Variants in TENM3 observed in about 807,000 individuals in gnomAD.
TENM3 encodes the protein teneurin transmembrane protein 3.
A neutral mutation model predicts 255.1 loss-of-function variants in TENM3; 63 were observed. The ratio of observed to expected loss-of-function variants is 0.25; its 90% CI spans 0.20 to 0.30. The LOEUF is 0.30. Ranked by LOEUF, TENM3 falls within the 10% of genes least tolerant of loss-of-function variation. The pLI, the probability that TENM3 is intolerant of heterozygous loss-of-function variation, is 1.00. For missense variants in TENM3, 2,929 were observed against 3,461.1 expected, an observed-to-expected ratio of 0.85 and a Z score of 3.86; for synonymous variants, 1,306 against 1,322.3, an observed-to-expected ratio of 0.99 and a Z score of 0.27.
At chr4:181,939,129 ATACT>A in the TENM3 span, among the ~76,000 whole-genome samples, 3 of 152,224 alleles carry the variant, frequency 2.0e-5, no homozygotes, top group Admixed American at 6.5e-5. Flanking sequence ...GCACTTTTTC[ATACT>A]TAAAGTATAA....
the TENM3 span, among the ~76,000 whole-genome samples, chr4:182,080,471 C>T: frequency 2.0e-5 from 3 of 152,066 alleles, no homozygotes; most frequent in Admixed American, 1.3e-4. Context: ...AAAGTAGTGA[C>T]CTCTAGGTAG....
intron 3 of TENM3, among the ~76,000 whole-genome samples, chr4:182,364,348 T>C (rs1402605566): frequency 1.3e-5 from 2 of 152,234 alleles, no homozygotes; most frequent in African/African-American, 4.8e-5. Flanking sequence ...ACTTTTATTC[T>C]TAATCTTTGT....
chr4:181,644,439 A>G, the TENM3 span, among the ~76,000 whole-genome samples: 2 of 151,990 alleles, frequency 1.3e-5, no homozygotes, highest in African/African-American at 4.8e-5. Context: ...TCTTAAAAAA[A>G]AAAAAATACT....
chr4:181,949,150 A>G, the TENM3 span, among the ~76,000 whole-genome samples: 9 of 152,304 alleles, frequency 5.9e-5, no homozygotes, highest in East Asian at 1.7e-3. Flanking sequence ...TTATGTGGCC[A>G]TTAACCCAAG....
Position 182,773,554 on chromosome 4 carries a change from A to G in TENM3, c.4975A>G (p.Ile1659Val), listed in dbSNP as rs1764437930. Residue 1659 changes from isoleucine (I) to valine (V), a missense_variant, in exon 23 of 28, where the codon ATC (isoleucine) becomes GTC (valine). By Grantham distance (29) the Ile-to-Val change is conservative. Transcript: ENST00000511685. ...TNLHGDMDKAITVDIESSSRE... is the reference protein window; with the variant it reads ...TNLHGDMDKAVTVDIESSSRE... ...CCTGCATGGGGACATGGACAAGGCTATCACAGTGGACATTGAGTCATCTAG... is the reference window on the plus strand; with the variant it reads ...CCTGCATGGGGACATGGACAAGGCTGTCACAGTGGACATTGAGTCATCTAG... 6.2e-7 allele frequency: 1 copy of G among 1,613,990 alleles called. No individual in the cohort carries two copies. Among genetic ancestry groups the G allele is most frequent in the Non-Finnish European group, 8.5e-7 (1 of 1,179,870 alleles).
the TENM3 span, among the ~76,000 whole-genome samples, chr4:182,050,370 C>T: frequency 6.6e-5 from 10 of 152,146 alleles, no homozygotes; most frequent in Non-Finnish European, 1.2e-4. Context: ...ATCTGACCTA[C>T]AAACAGTTCT....
the TENM3 span, among the ~76,000 whole-genome samples, chr4:182,092,345 T>TAAAC: frequency 6.0e-5 from 9 of 148,888 alleles, no homozygotes; most frequent in Admixed American, 2.0e-4. Flanking sequence ...AATAAATAAA[T>TAAAC]AAACAAACAA....
intron 19 of TENM3, 125 bp from the exon 20 acceptor site, chr4:182,751,675 C>T: frequency 1.4e-6 from 1 of 696,772 alleles, no homozygotes; most frequent in Non-Finnish European, 2.5e-6. Flanking sequence ...CTATTCATGT[C>T]TAATCTTTGA....
chr4:182,029,975 AG>A, the TENM3 span, among the ~76,000 whole-genome samples: 1 of 149,752 alleles, frequency 6.7e-6, no homozygotes, highest in African/African-American at 2.5e-5. Flanking sequence ...TTTGGCCGAA[AG>A]CACCTTCTGC....
chr4:182,267,847 G>A (rs1324005141), intron 1 of TENM3, among the ~76,000 whole-genome samples: 4 of 152,078 alleles, frequency 2.6e-5, no homozygotes, highest in African/African-American at 7.2e-5. Flanking sequence ...AAACCAGAAA[G>A]AGAAATATTA....
At chr4:182,144,518 C>G (rs1749753985), upstream of TENM3, 1 of 150,422 alleles carries the variant, frequency 6.6e-6, no homozygotes, top group Non-Finnish European at 1.5e-5. Flanking sequence ...CGCGGGCGCC[C>G]TCCCCTCCCG....
At chr4:182,241,054 G>C (rs7670273), upstream of TENM3, among the ~76,000 whole-genome samples, 62,017 of 151,976 alleles carry the variant, frequency 0.41, 14,982 homozygotes, top group African/African-American at 0.68. Flanking sequence ...CATCGGGCTT[G>C]AAGATTTTTT....
chr4:182,710,362 C>T (rs1239225822), intron 12 of TENM3, among the ~76,000 whole-genome samples: 1 of 152,092 alleles, frequency 6.6e-6, no homozygotes, highest in Non-Finnish European at 1.5e-5. Flanking sequence ...GAATGTTATG[C>T]AGTAATACAT....
At chr4:182,200,826 CTTT>C (rs11389090) in intron 1 of TENM3, among the ~76,000 whole-genome samples, 7 of 135,382 alleles carry the variant, frequency 5.2e-5, no homozygotes, top group Non-Finnish European at 6.2e-5. Flanking sequence ...ACTAGAGTGC[CTTT>C]TTTTTTTTTT....
intron 6 of TENM3, among the ~76,000 whole-genome samples, chr4:182,667,946 AATAAATAC>A (rs2152542491): frequency 6.7e-6 from 1 of 148,422 alleles, no homozygotes; most frequent in East Asian, 2.0e-4. Context: ...CTTAAAGTAT[AATAAATAC>A]ATAAATACAT....
chr4:182,400,024 A>C (rs184256383), intron 3 of TENM3, among the ~76,000 whole-genome samples: 62 of 152,266 alleles, frequency 4.1e-4, no homozygotes, highest in African/African-American at 1.4e-3. Flanking sequence ...AAGAGGAGAC[A>C]GCTCTTAAGA....
intron 1 of TENM3, among the ~76,000 whole-genome samples, chr4:182,172,024 T>C (rs1443355742): frequency 6.6e-6 from 1 of 152,144 alleles, no homozygotes; most frequent in Non-Finnish European, 1.5e-5. Context: ...AGAAGTGATT[T>C]GATATAAAAT....
chr4:182,057,592 G>A, the TENM3 span, among the ~76,000 whole-genome samples: 4,417 of 151,502 alleles, frequency 0.029, 217 homozygotes, highest in African/African-American at 0.1. Flanking sequence ...GTAGAGGCGG[G>A]TTCTCACTAT....
the TENM3 span, among the ~76,000 whole-genome samples, chr4:181,954,156 G>T: frequency 3.9e-5 from 6 of 152,140 alleles, no homozygotes; most frequent in East Asian, 1.2e-3. Context: ...ACTATAATTT[G>T]TTTATCTTTA....
Sources: allele counts gnomAD v4.1 joint callset (sites outside exome capture counted in the v4.1 genomes callset), GRCh38; gene constraint gnomAD v4.1.1; transcripts MANE v1.5; gene names NCBI Gene and HGNC (gene_info 2026-07-23, HGNC 2026-07-21).